RPS6KA2: variants seen among roughly 807,000 people sequenced by gnomAD.
RPS6KA2 encodes ribosomal protein S6 kinase alpha-2.
In RPS6KA2, 42 loss-of-function variants were observed where a neutral mutation model predicts 91.8. The ratio of observed to expected loss-of-function variants is 0.46; its 90% CI spans 0.36 to 0.59. The LOEUF (loss-of-function observed/expected upper bound fraction) is 0.59. Ranked by LOEUF, RPS6KA2 falls within the 20% of genes least tolerant of loss-of-function variation. The pLI is 0.00. For synonymous variants in RPS6KA2, 414 were observed against 393.6 expected, an observed-to-expected ratio of 1.05 and a Z score of -0.61; for missense variants, 798 against 978.5, an observed-to-expected ratio of 0.82 and a Z score of 2.46.
At chr6:166,756,622 TG>T (rs1218697040) in intron 2 of RPS6KA2, among the ~76,000 whole-genome samples, 1 of 151,994 alleles carries the variant, frequency 6.6e-6, no homozygotes, top group Non-Finnish European at 1.5e-5. Context: ...CCAAGGTGGG[TG>T]GATCACCTGA....
At chr6:166,654,140 C>T (rs79097780) in intron 2 of RPS6KA2, among the ~76,000 whole-genome samples, 1,735 of 152,312 alleles carry the variant, frequency 0.011, 19 homozygotes, top group Non-Finnish European at 0.018. Context: ...TACTTCAGGG[C>T]GAAAGATTCT....
intron 2 of RPS6KA2, among the ~76,000 whole-genome samples, chr6:166,703,753 T>C (rs1316915184): frequency 6.6e-6 from 1 of 152,230 alleles, no homozygotes. Flanking sequence ...CTGCACTGAC[T>C]GACTACAATT....
chr6:166,551,953 T>G (rs996422064), intron 1 of RPS6KA2, among the ~76,000 whole-genome samples: 3 of 152,228 alleles, frequency 2.0e-5, no homozygotes, highest in African/African-American at 7.2e-5. Flanking sequence ...CTGAAGTCGT[T>G]GACACAGCAC....
intron 2 of RPS6KA2, among the ~76,000 whole-genome samples, chr6:166,632,331 G>A (rs952827148): frequency 2.0e-5 from 3 of 152,172 alleles, no homozygotes; most frequent in Non-Finnish European, 4.4e-5. Flanking sequence ...TGCAACTTTT[G>A]GCTGCACGGG....
chr6:166,535,559 C>T (rs992762346), intron 2 of RPS6KA2, among the ~76,000 whole-genome samples: 5 of 152,248 alleles, frequency 3.3e-5, no homozygotes, highest in African/African-American at 7.2e-5. Context: ...TCCTATCCTA[C>T]TCCTGGCACT....
Position 166,493,306 on chromosome 6 carries a change from C to T in RPS6KA2, c.748-2565G>A, listed in dbSNP as rs1781671231. Among the ~76,000 whole-genome samples the T allele has an allele frequency of 6.6e-6, 1 of 152,180 alleles. No homozygotes were observed. Among genetic ancestry groups the T allele is most frequent in the African/African-American group, 2.4e-5 (1 of 41,428 alleles). Reference sequence around the variant, plus strand: ...GGGGTTCTGCTGCCTTTCCCATCCCCTTATCCACCCTTTTCTGTGGAGAAG... The same window carrying T: ...GGGGTTCTGCTGCCTTTCCCATCCCTTTATCCACCCTTTTCTGTGGAGAAG... On this transcript the variant is annotated intron_variant, in intron 8 of 20. Coordinates refer to ENST00000265678, the MANE Select transcript of RPS6KA2 (RefSeq NM_021135.6). This position sits in a 1 kb window ranked among gnomAD's most constrained non-coding sequence, Gnocchi z 4.7.
intron 3 of RPS6KA2, among the ~76,000 whole-genome samples, chr6:166,529,404 C>A (rs1783179009): frequency 6.6e-6 from 1 of 151,958 alleles, no homozygotes; most frequent in Non-Finnish European, 1.5e-5. Context: ...GGGAACATCA[C>A]ACACTGGGGC....
exon 2 of RPS6KA2, chr6:166,858,250 C>T: frequency 1.3e-6 from 2 of 1,536,582 alleles, no homozygotes; most frequent in Non-Finnish European, 1.8e-6. Context: ...TTGAGATCCT[C>T]CTCTGTGGTC....
In RPS6KA2 at chr6:166,459,141, C is replaced by T. The variant is rs572166700; in HGVS notation, c.1075+308G>A. Among the ~76,000 whole-genome samples the T allele has an allele frequency of 6.6e-6, 1 of 152,294 alleles. No individual in the cohort carries two copies. Among genetic ancestry groups the T allele is most frequent in the South Asian group, 2.1e-4 (1 of 4,816 alleles). On this transcript the variant is annotated intron_variant, in intron 12 of 20. Transcript: ENST00000265678. The surrounding 1 kb of genome is among the most constrained non-coding windows in gnomAD (Gnocchi z 4.9). ...ATTGAAAGAGGGATTTTAATTGCCT[C>T]CAGTTTCTTTTCTTGCTCTTGCTGT...
chr6:166,822,753 C>T (rs1442887941), intron 2 of RPS6KA2, among the ~76,000 whole-genome samples: 1 of 151,858 alleles, frequency 6.6e-6, no homozygotes, highest in East Asian at 1.9e-4. Flanking sequence ...TCCCCTAAAG[C>T]AGTGCCTCAC....
intron 2 of RPS6KA2, among the ~76,000 whole-genome samples, chr6:166,534,500 C>T (rs1270442330): frequency 6.6e-6 from 1 of 152,162 alleles, no homozygotes; most frequent in Admixed American, 6.5e-5. Flanking sequence ...AACCCCTAAC[C>T]CATAAGAAGT....
chr6:166,593,605 T>C (rs1405712642), intron 1 of RPS6KA2, among the ~76,000 whole-genome samples: 1 of 152,150 alleles, frequency 6.6e-6, no homozygotes, highest in Non-Finnish European at 1.5e-5. Context: ...TACATTAAAA[T>C]TGACGTGCGT....
At position 166,500,316 on chromosome 6, in the gene RPS6KA2, G is replaced by C. The variant is rs1781979714; in HGVS notation, c.604+571C>G. Among the ~76,000 whole-genome samples, 4 of 152,222 alleles carry C rather than the reference G, an allele frequency of 2.6e-5. No individual in the cohort carries two copies. The highest frequency in any genetic ancestry group is 2.4e-5 in the African/African-American group (1 of 41,454). ...GATGCTATAGGGAACTAATACAAAT[G>C]GGGTGTCCTGAGACTAGAGGAGCTG... is the stretch of plus-strand genomic sequence containing the variant. On this transcript the variant is annotated intron_variant, in intron 7 of 20. Coordinates refer to ENST00000265678, the MANE Select transcript of RPS6KA2 (RefSeq NM_021135.6). This position sits in a 1 kb window ranked among gnomAD's most constrained non-coding sequence, Gnocchi z 4.3.
intron 2 of RPS6KA2, among the ~76,000 whole-genome samples, chr6:166,641,745 A>AAAAAAAAAAAAAAAAAAAAAAAAC (rs1787443854): frequency 7.6e-6 from 1 of 132,210 alleles, no homozygotes; most frequent in Non-Finnish European, 1.5e-5. Context: ...AAAAAAAAAA[A>AAAAAAAAAAAAAAAAAAAAAAAAC]AAAAAAAAAA....
chr6:166,654,409 G>A (rs1582989711), intron 2 of RPS6KA2, among the ~76,000 whole-genome samples: 4 of 151,328 alleles, frequency 2.6e-5, no homozygotes, highest in Non-Finnish European at 1.5e-5. Flanking sequence ...AATTCTAGAC[G>A]GGCCCCACTG....
chr6:166,504,291 G>T (rs1333573239), intron 6 of RPS6KA2, among the ~76,000 whole-genome samples: 1 of 152,246 alleles, frequency 6.6e-6, no homozygotes, highest in Non-Finnish European at 1.5e-5. Flanking sequence ...GTGAGAATGG[G>T]CCTGGGCATT....
At chr6:166,824,822 T>TCTATGTGC (rs1780007042) in intron 2 of RPS6KA2, among the ~76,000 whole-genome samples, 1 of 146,308 alleles carries the variant, frequency 6.8e-6, no homozygotes, top group Non-Finnish European at 1.5e-5. Context: ...TGTCTGTGTG[T>TCTATGTGC]GTCTGTGTGT....
chr6:166,859,057 C>T (rs902982847), intron 1 of RPS6KA2, among the ~76,000 whole-genome samples: 1 of 82,464 alleles, frequency 1.2e-5, no homozygotes, highest in Non-Finnish European at 3.7e-5. Context: ...CCATCAGCAC[C>T]AGCTGCCATG....
chr6:166,466,297 C>T (rs904834154), intron 11 of RPS6KA2, among the ~76,000 whole-genome samples: 7 of 152,318 alleles, frequency 4.6e-5, no homozygotes, highest in Admixed American at 3.9e-4. Context: ...CAGAGCTCGC[C>T]GGACCTCAGC....
Sources: allele counts gnomAD v4.1 joint callset (sites outside exome capture counted in the v4.1 genomes callset), GRCh38; gene constraint gnomAD v4.1.1; non-coding constraint Gnocchi (gnomAD v3.1); transcripts MANE v1.5; gene names NCBI Gene and HGNC (gene_info 2026-07-23, HGNC 2026-07-21).